Variants in ADAMTS9 observed in about 807,000 individuals in gnomAD.
The protein encoded by ADAMTS9 is A disintegrin and metalloproteinase with thrombospondin motifs 9.
Under a neutral mutation model 257.1 loss-of-function variants are expected in ADAMTS9, and 107 were observed. That is an observed-to-expected ratio of 0.42 (90% CI 0.36 to 0.49). The LOEUF is 0.49. Among genes scored for constraint, ADAMTS9 ranks in the 20% least tolerant of loss-of-function variants. ADAMTS9 has a pLI of 0.03. For synonymous variants in ADAMTS9, 982 were observed against 880.9 expected, an observed-to-expected ratio of 1.11 and a Z score of -2.03; for missense variants, 2,353 against 2,469.1, an observed-to-expected ratio of 0.95 and a Z score of 1.00.
intron 36 of ADAMTS9, among the ~76,000 whole-genome samples, chr3:64,540,105 T>C (rs1214468146): frequency 2.0e-5 from 3 of 152,240 alleles, no homozygotes; most frequent in Admixed American, 6.5e-5. Context: ...CAGTGCTCCA[T>C]TCTGCAAGGA....
intron 38 of ADAMTS9, among the ~76,000 whole-genome samples, chr3:64,531,457 T>C (rs957182660): frequency 3.3e-5 from 5 of 151,030 alleles, no homozygotes; most frequent in Non-Finnish European, 7.4e-5. Context: ...GTAAACAGTG[T>C]TCATTGTGTA....
chr3:64,620,061 C>T (rs186534561), intron 19 of ADAMTS9, among the ~76,000 whole-genome samples: 4 of 151,826 alleles, frequency 2.6e-5, no homozygotes, highest in Non-Finnish European at 5.9e-5. Flanking sequence ...TTTTGGCAAG[C>T]CAATTTCACT....
At chr3:64,612,938 G>A (rs556730217) in intron 22 of ADAMTS9, among the ~76,000 whole-genome samples, 1 of 152,272 alleles carries the variant, frequency 6.6e-6, no homozygotes, top group East Asian at 1.9e-4. Context: ...TTGTGACATT[G>A]GGAGCCAAAA....
In ADAMTS9 at chr3:64,621,075, C is replaced by T. The variant is rs528407534; in HGVS notation, c.2813+39G>A. Reference sequence around the variant, plus strand: ...GCTGGGACCTCCTGCAAGACTCTCACAATTCAGTAATAAAGGCCTTGAGAA... The same window carrying T: ...GCTGGGACCTCCTGCAAGACTCTCATAATTCAGTAATAAAGGCCTTGAGAA... On this transcript the variant is annotated intron_variant, in intron 19 of 39. Transcript: ENST00000498707. 9.5e-6 allele frequency: 15 copies of T among 1,575,112 alleles called. No individual in the cohort carries two copies. The South Asian group carries it at 1.6e-4, about 17-fold the overall frequency.
intron 12 of ADAMTS9, among the ~76,000 whole-genome samples, chr3:64,641,330 A>G (rs1158187440): frequency 1.6e-5 from 2 of 126,816 alleles, no homozygotes; most frequent in Non-Finnish European, 3.4e-5. Flanking sequence ...ATTTTTTATT[A>G]TTACTATACT....
intron 25 of ADAMTS9, among the ~76,000 whole-genome samples, chr3:64,603,591 G>A (rs923644016): frequency 6.6e-6 from 1 of 152,054 alleles, no homozygotes; most frequent in Admixed American, 6.6e-5. Context: ...TCACTCTCCT[G>A]ACATTTTTGG....
At chr3:64,636,058 C>CA (rs1337169889) in intron 12 of ADAMTS9, among the ~76,000 whole-genome samples, 1 of 146,668 alleles carries the variant, frequency 6.8e-6, no homozygotes, top group African/African-American at 2.6e-5. Context: ...ATACTTCTTT[C>CA]CCTTTGAACA....
At chr3:64,661,482 T>C (rs532739998) in intron 3 of ADAMTS9, among the ~76,000 whole-genome samples, 36 of 152,274 alleles carry the variant, frequency 2.4e-4, no homozygotes, top group Admixed American at 7.2e-4. Context: ...ATTTTCCCGA[T>C]GAGGAAAATA....
chr3:64,680,483 T>C (rs997929699), intron 3 of ADAMTS9, among the ~76,000 whole-genome samples: 3 of 152,180 alleles, frequency 2.0e-5, no homozygotes, highest in African/African-American at 7.2e-5. Flanking sequence ...GAAGTGTTGC[T>C]ACAAGACTGC....
chr3:64,639,300 T>TTTTTG (rs1700578237), intron 12 of ADAMTS9, among the ~76,000 whole-genome samples: 1 of 144,264 alleles, frequency 6.9e-6, no homozygotes, highest in South Asian at 2.2e-4. Context: ...ATTGTTTTTT[T>TTTTTG]TTTTTTTTTT....
At chr3:64,553,543 C>A (rs1406178243) in intron 30 of ADAMTS9, among the ~76,000 whole-genome samples, 2 of 151,906 alleles carry the variant, frequency 1.3e-5, no homozygotes, top group Non-Finnish European at 2.9e-5. Context: ...ATTTTCCATT[C>A]TTTTGGGTAT....
intron 23 of ADAMTS9, among the ~76,000 whole-genome samples, chr3:64,605,177 C>T (rs1383151247): frequency 2.0e-5 from 3 of 151,906 alleles, no homozygotes; most frequent in Non-Finnish European, 2.9e-5. Flanking sequence ...AGAAAGCCAC[C>T]GGGAACTTTT....
At chr3:64,621,903 T>C (rs911280964) in intron 18 of ADAMTS9, among the ~76,000 whole-genome samples, 23 of 152,152 alleles carry the variant, frequency 1.5e-4, no homozygotes, top group African/African-American at 5.1e-4. Context: ...AAATAACATA[T>C]GCTATGACTA....
chr3:64,517,422 T>TTTTTTTTTTTTTTTTTC (rs1559741938), intron 39 of ADAMTS9, among the ~76,000 whole-genome samples: 1 of 122,878 alleles, frequency 8.1e-6, no homozygotes, highest in Non-Finnish European at 1.7e-5. Flanking sequence ...AATGGTTTTT[T>TTTTTTTTTTTTTTTTTC]TTTTTTTTTT....
intron 3 of ADAMTS9, among the ~76,000 whole-genome samples, chr3:64,667,607 G>C (rs1701380977): frequency 6.6e-6 from 1 of 152,168 alleles, no homozygotes; most frequent in Non-Finnish European, 1.5e-5. Context: ...TACCTGGGGA[G>C]TTAAATTTGC....
At chr3:64,624,810 G>A (rs1022879752) in intron 16 of ADAMTS9, among the ~76,000 whole-genome samples, 1 of 152,034 alleles carries the variant, frequency 6.6e-6, no homozygotes, top group Non-Finnish European at 1.5e-5. Context: ...CATAATTTTT[G>A]ATTAATTTCT....
Position 64,597,065 on chromosome 3 carries a change from G to C in ADAMTS9, c.4018-74C>G. ...GGGACACAGAAGCAGCTGGTTGAAA[G>C]GTTAAGACAAATGTGCTGAAAAGCA... On this transcript the variant is annotated intron_variant, in intron 26 of 39. Coordinates refer to ENST00000498707, the MANE Select transcript of ADAMTS9 (RefSeq NM_182920.2). 4 of 1,574,974 alleles carry C rather than the reference G, an allele frequency of 2.5e-6. No individual in the cohort carries two copies. In the South Asian group the frequency reaches 3.5e-5, roughly 14 times the overall value.
intron 20 of ADAMTS9, 120 bp from the exon 21 acceptor site, chr3:64,615,605 A>G (rs1271452395): frequency 3.4e-5 from 37 of 1,074,866 alleles, no homozygotes; most frequent in Non-Finnish European, 4.8e-5. Context: ...GGCCAACTCT[A>G]GTTATTTTGG....
intron 20 of ADAMTS9, 43 bp from the exon 21 acceptor site, chr3:64,615,528 T>C (rs748669273): frequency 2.6e-6 from 4 of 1,558,530 alleles, no homozygotes; most frequent in South Asian, 1.2e-5. Context: ...GCTAAGTTTC[T>C]TATAAAGTAT....
Sources: allele counts gnomAD v4.1 joint callset (sites outside exome capture counted in the v4.1 genomes callset), GRCh38; gene constraint gnomAD v4.1.1; transcripts MANE v1.5; gene names NCBI Gene and HGNC (gene_info 2026-07-23, HGNC 2026-07-21).